CCDC102B: variants seen among roughly 807,000 people sequenced by gnomAD.
The protein encoded by CCDC102B is coiled-coil domain-containing protein 102B.
CCDC102B carries 75 observed loss-of-function variants against 57.4 expected under a neutral mutation model. The observed-to-expected ratio is 1.31, with a 90% CI of 1.08 to 1.58. The LOEUF (loss-of-function observed/expected upper bound fraction) is 1.58, where lower values mean the gene tolerates loss of function less well. Ranked by LOEUF, CCDC102B falls within the 40% of genes most tolerant of loss-of-function variation. The probability of loss-of-function intolerance (pLI) is 0.00; values close to 1 mark genes in which losing one functional copy is unlikely to be tolerated. For synonymous variants in CCDC102B, 206 were observed against 201.9 expected, an observed-to-expected ratio of 1.02 and a Z score of -0.17; for missense variants, 636 against 582.6, an observed-to-expected ratio of 1.09 and a Z score of -0.94.
chr18:68,727,749 C>A (rs757187095), intron 2 of CCDC102B, among the ~76,000 whole-genome samples: 1 of 152,174 alleles, frequency 6.6e-6, no homozygotes, highest in Non-Finnish European at 1.5e-5. Flanking sequence ...TTGTGTCCAG[C>A]AGCTAGTAAA....
At chr18:68,763,048 T>C (rs1332442604) in intron 2 of CCDC102B, among the ~76,000 whole-genome samples, 1 of 152,136 alleles carries the variant, frequency 6.6e-6, no homozygotes, top group Non-Finnish European at 1.5e-5. Context: ...TCTGATATTT[T>C]AGACGTGATT....
intron 2 of CCDC102B, chr18:68,721,538 A>T (rs1428424974): frequency 6.6e-6 from 1 of 152,186 alleles, no homozygotes; most frequent in African/African-American, 2.4e-5. Flanking sequence ...CAGAAAAAAT[A>T]AAAAAATAAG....
intron 7 of CCDC102B, among the ~76,000 whole-genome samples, chr18:69,052,313 G>T (rs1176517045): frequency 1.3e-5 from 2 of 152,112 alleles, no homozygotes; most frequent in African/African-American, 4.8e-5. Flanking sequence ...TAATGAAAAT[G>T]TGATTAAACT....
At chr18:68,720,892 C>T (rs753762870) in intron 2 of CCDC102B, among the ~76,000 whole-genome samples, 4 of 152,064 alleles carry the variant, frequency 2.6e-5, no homozygotes, top group Non-Finnish European at 2.9e-5. Context: ...GGCAAACTAG[C>T]GAGCCCCCTG....
intron 6 of CCDC102B, among the ~76,000 whole-genome samples, chr18:68,901,837 G>A (rs1230728044): frequency 2.0e-5 from 3 of 152,076 alleles, no homozygotes; most frequent in African/African-American, 7.2e-5. Context: ...CTCATAAACA[G>A]TTCACTTTCA....
intron 5 of CCDC102B, among the ~76,000 whole-genome samples, chr18:68,885,596 A>T (rs1337625390): frequency 6.6e-6 from 1 of 152,104 alleles, no homozygotes; most frequent in Non-Finnish European, 1.5e-5. Flanking sequence ...ATGTAGGTAA[A>T]TGTTTAAAAT....
chr18:68,801,491 T>C (rs934357700), intron 1 of CCDC102B, among the ~76,000 whole-genome samples: 5 of 152,142 alleles, frequency 3.3e-5, no homozygotes, highest in African/African-American at 1.2e-4. Context: ...GTCATAAATA[T>C]ATTAAAATAT....
At chr18:68,945,110 G>GTC (rs759664614) in intron 6 of CCDC102B, among the ~76,000 whole-genome samples, 1,112 of 30,522 alleles carry the variant, frequency 0.036, 9 homozygotes, top group African/African-American at 0.1. Flanking sequence ...CTCTCTCTCT[G>GTC]TCTCTCTCTC....
intron 4 of CCDC102B, among the ~76,000 whole-genome samples, chr18:68,861,137 T>A (rs200326586): frequency 8.6e-5 from 13 of 150,358 alleles, no homozygotes; most frequent in East Asian, 2.0e-4. Context: ...TAAAACATAA[T>A]AAAAAAAAAA....
At chr18:69,057,785 A>C (rs2052840783), downstream of CCDC102B, among the ~76,000 whole-genome samples, 2 of 151,996 alleles carry the variant, frequency 1.3e-5, no homozygotes, top group Non-Finnish European at 2.9e-5. Flanking sequence ...CCTCATACCC[A>C]TTGCCACCCA....
intron 2 of CCDC102B, among the ~76,000 whole-genome samples, chr18:68,758,441 T>C (rs1055286818): frequency 6.6e-6 from 1 of 152,076 alleles, no homozygotes; most frequent in Non-Finnish European, 1.5e-5. Context: ...AGAATTATAA[T>C]AGATTGTTTA....
At chr18:68,950,903 A>G (rs1168221849) in intron 6 of CCDC102B, among the ~76,000 whole-genome samples, 1 of 152,186 alleles carries the variant, frequency 6.6e-6, no homozygotes, top group Non-Finnish European at 1.5e-5. Flanking sequence ...TGTGGATGTA[A>G]GATATGTTAA....
At chr18:68,799,680 C>A (rs983768610) in intron 1 of CCDC102B, among the ~76,000 whole-genome samples, 32 of 152,112 alleles carry the variant, frequency 2.1e-4, no homozygotes, top group African/African-American at 7.5e-4. Context: ...TGAACTTAGT[C>A]TTGAAAAACT....
chr18:68,885,898 C>T (rs2039867210), intron 5 of CCDC102B, among the ~76,000 whole-genome samples: 1 of 151,862 alleles, frequency 6.6e-6, no homozygotes, highest in Non-Finnish European at 1.5e-5. Flanking sequence ...GTCAGTATTT[C>T]TCGGAAATGT....
At chr18:68,874,114 T>A (rs183758286) in intron 4 of CCDC102B, among the ~76,000 whole-genome samples, 24 of 151,766 alleles carry the variant, frequency 1.6e-4, no homozygotes, top group Admixed American at 1.6e-3. Context: ...GGAAATTTAT[T>A]GGCAGCTTTT....
At chr18:68,936,327 G>A (rs574278459) in intron 6 of CCDC102B, among the ~76,000 whole-genome samples, 14 of 152,050 alleles carry the variant, frequency 9.2e-5, no homozygotes, top group African/African-American at 3.4e-4. Flanking sequence ...ACCTGTTAAA[G>A]GAAGCAAATT....
In CCDC102B at chr18:68,996,239, C is replaced by A. The variant is rs140397923; in HGVS notation, c.1264-14695C>A. Among the ~76,000 whole-genome samples the A allele has an allele frequency of 4.9e-3, 743 of 152,192 alleles. 6 individuals are homozygous for A. The highest frequency in any genetic ancestry group is 0.017 in the African/African-American group (713 of 41,516). ...AGCAGGCAGAGGAACATGGAAGGAC[C>A]AGACTGGCTGAGTCTTCTGGCCTCC... On this transcript the variant is annotated intron_variant, in intron 6 of 7. Coordinates refer to ENST00000360242, the MANE Select transcript of CCDC102B (RefSeq NM_024781.3).
chr18:68,888,482 A>C (rs550677699), intron 5 of CCDC102B, among the ~76,000 whole-genome samples: 1 of 152,158 alleles, frequency 6.6e-6, no homozygotes, highest in East Asian at 1.9e-4. Flanking sequence ...TTCTCCCGCT[A>C]TTGACATGTT....
chr18:68,750,798 G>A (rs1325863438), intron 2 of CCDC102B, among the ~76,000 whole-genome samples: 7 of 121,378 alleles, frequency 5.8e-5, no homozygotes, highest in Admixed American at 3.8e-4. Context: ...AGGGCCTGTC[G>A]TGGGGTGGGG....
Sources: gnomAD v4.1 joint callset for allele counts (sites outside exome capture counted in the v4.1 genomes callset) on GRCh38, gnomAD v4.1.1 for gene constraint, MANE v1.5 for transcripts, NCBI Gene and HGNC (gene_info 2026-07-23, HGNC 2026-07-21) for gene names.